Variants in BORCS5 observed in about 807,000 individuals in gnomAD.
BORCS5 encodes the protein BLOC-1 related complex subunit 5, also known as BLOC-1-related complex subunit 5.
Under a neutral mutation model 22.1 loss-of-function variants are expected in BORCS5, and 17 were observed. The ratio of observed to expected loss-of-function variants is 0.77; its 90% confidence interval spans 0.53 to 1.15. The LOEUF (loss-of-function observed/expected upper bound fraction) is 1.15. Ranked by LOEUF, BORCS5 falls within the 50% of genes most tolerant of loss-of-function variation. The probability of loss-of-function intolerance (pLI) is 0.00; values close to 1 mark genes in which losing one functional copy is unlikely to be tolerated. For missense variants in BORCS5, 247 were observed against 253.2 expected, an observed-to-expected ratio of 0.98 and a Z score of 0.17; for synonymous variants, 117 against 99.8, an observed-to-expected ratio of 1.17 and a Z score of -1.03.
Position 12,361,306 on chromosome 12 carries a change from C to G in BORCS5, c.159C>G (p.Val53=). Residue 53 remains valine (V), a synonymous_variant, in exon 2 of 4, where the codon GTC becomes GTG. Transcript: ENST00000314565. The stretch of plus-strand genomic sequence containing the variant: ...GGAACGTCAGCAACGATCCCGATGT[C>G]ATCAAGTTGCAAGAGATTCCAACCT... ...ASRNVSNDPD[V]IKLQEIPTFQ... is the part of the protein sequence containing the mutation. 6.2e-7 allele frequency: 1 copy of G among 1,614,178 alleles called. No individual in the cohort carries two copies. The highest frequency in any genetic ancestry group is 1.1e-5 in the South Asian group (1 of 91,080).
intron 2 of BORCS5, among the ~76,000 whole-genome samples, chr12:12,414,558 G>T (rs1423082724): frequency 1.2e-5 from 1 of 84,814 alleles, no homozygotes; most frequent in Non-Finnish European, 2.4e-5. Flanking sequence ...CCGGGCGGGG[G>T]GCTGACCCCC....
At chr12:12,446,909 G>A (rs758818785) in intron 3 of BORCS5, among the ~76,000 whole-genome samples, 1 of 152,154 alleles carries the variant, frequency 6.6e-6, no homozygotes, top group Admixed American at 6.5e-5. Flanking sequence ...ATTATTTTGG[G>A]GGTGTAAGAG....
intron 2 of BORCS5, among the ~76,000 whole-genome samples, chr12:12,431,733 C>CTTTCTTTCTT (rs148091169): frequency 6.6e-6 from 1 of 151,094 alleles, no homozygotes; most frequent in African/African-American, 2.4e-5. Flanking sequence ...AATTTCTTTT[C>CTTTCTTTCTT]TTGTTTTTTT....
chr12:12,422,606 A>T (rs1942162459), intron 2 of BORCS5, among the ~76,000 whole-genome samples: 1 of 148,042 alleles, frequency 6.8e-6, no homozygotes, highest in South Asian at 2.1e-4. Flanking sequence ...ATCTCAAAAG[A>T]AAAAAAAAAA....
At chr12:12,455,126 A>G (rs746442114) in intron 3 of BORCS5, among the ~76,000 whole-genome samples, 1 of 152,222 alleles carries the variant, frequency 6.6e-6, no homozygotes, top group Non-Finnish European at 1.5e-5. Flanking sequence ...CTCTTTAGCT[A>G]CAAAGTACTT....
intron 2 of BORCS5, among the ~76,000 whole-genome samples, chr12:12,362,009 G>C (rs1406883839): frequency 3.3e-5 from 5 of 152,182 alleles, no homozygotes; most frequent in African/African-American, 1.2e-4. Context: ...TCTGCTGTAA[G>C]AGTCCTTCAG....
intron 2 of BORCS5, among the ~76,000 whole-genome samples, chr12:12,421,881 T>C (rs1051931715): frequency 6.6e-6 from 1 of 152,248 alleles, no homozygotes; most frequent in African/African-American, 2.4e-5. Flanking sequence ...TGTATTTCTG[T>C]GGGATCGGTG....
chr12:12,371,715 T>TC (rs1309537522), intron 2 of BORCS5, among the ~76,000 whole-genome samples: 3 of 152,176 alleles, frequency 2.0e-5, no homozygotes, highest in Non-Finnish European at 4.4e-5. Context: ...ATTTTTCTGC[T>TC]CCCCCCACCT....
At chr12:12,442,178 C>T (rs1032557027) in intron 3 of BORCS5, among the ~76,000 whole-genome samples, 20 of 151,072 alleles carry the variant, frequency 1.3e-4, no homozygotes, top group African/African-American at 4.7e-4. Flanking sequence ...CTTGTCACTT[C>T]CCTGGGTCTT....
In BORCS5 at chr12:12,467,362, A is replaced by AGTGG. The variant is rs913185022; in HGVS notation, c.*1591_*1594dup. 9 of 152,218 alleles carry AGTGG rather than the reference A, an allele frequency of 5.9e-5. No homozygotes were observed. Among genetic ancestry groups the AGTGG allele is most frequent in the African/African-American group, 2.2e-4 (9 of 41,442 alleles). 9.4% of individuals were successfully genotyped at this position (152,218 alleles called of 1,614,324 possible). On this transcript the variant is annotated 3_prime_UTR_variant, in exon 4 of 4. Transcript: ENST00000314565. ...ATACAGGTGACACATGAAAGCACAG[A>AGTGG]GTGGGTGGCAGTTCAAGCCTGCGAG...
rs1565818503 is a variant in BORCS5 at position 12,357,530 on chromosome 12, C to T, written c.58+21C>T. The stretch of plus-strand genomic sequence containing the variant: ...CTCAGGTCGGTGTCCTAACCTCCCA[C>T]CCTCCTCCAGCCCGCCCTGTCCCCT... On this transcript the variant is annotated intron_variant, in intron 1 of 3. Coordinates refer to ENST00000314565, the MANE Select transcript of BORCS5 (RefSeq NM_058169.6). 3.1e-6 allele frequency: 5 copies of T among 1,600,158 alleles called. No individual in the cohort carries two copies. The South Asian group carries it at 3.3e-5, about 11-fold the overall frequency.
At chr12:12,363,488 C>A (rs1359988940) in intron 2 of BORCS5, among the ~76,000 whole-genome samples, 1 of 152,074 alleles carries the variant, frequency 6.6e-6, no homozygotes, top group Non-Finnish European at 1.5e-5. Context: ...TGTAAAACAG[C>A]ACTTTGGGAG....
chr12:12,365,723 A>G (rs7309040), intron 2 of BORCS5, among the ~76,000 whole-genome samples: 49,804 of 151,996 alleles, frequency 0.33, 8,578 homozygotes, highest in Middle Eastern at 0.37. Flanking sequence ...TAATTATGAT[A>G]ATAGTATCTT....
At chr12:12,433,843 G>A (rs1238403194) in intron 2 of BORCS5, among the ~76,000 whole-genome samples, 1 of 152,200 alleles carries the variant, frequency 6.6e-6, no homozygotes, top group Admixed American at 6.5e-5. Context: ...GCATCGACCA[G>A]CATTTCCCAG....
chr12:12,371,574 A>G (rs891045851), intron 2 of BORCS5, among the ~76,000 whole-genome samples: 4 of 152,160 alleles, frequency 2.6e-5, no homozygotes, highest in Non-Finnish European at 5.9e-5. Context: ...GATTGCAGGC[A>G]TGAGCCACCA....
chr12:12,394,832 C>T (rs1941292416), intron 2 of BORCS5, among the ~76,000 whole-genome samples: 1 of 152,094 alleles, frequency 6.6e-6, no homozygotes, highest in Non-Finnish European at 1.5e-5. Context: ...GGTTGTACTT[C>T]ATACAGGACC....
At chr12:12,359,669 C>CT (rs1407328791) in intron 1 of BORCS5, among the ~76,000 whole-genome samples, 1 of 104,310 alleles carries the variant, frequency 9.6e-6, no homozygotes, top group South Asian at 4.0e-4. Flanking sequence ...GCCGCCTTGA[C>CT]TTAAAAAAAA....
chr12:12,418,459 G>A (rs1340105571), intron 2 of BORCS5, among the ~76,000 whole-genome samples: 1 of 152,132 alleles, frequency 6.6e-6, no homozygotes, highest in East Asian at 1.9e-4. Context: ...GCTGAGACAG[G>A]AGGATCACTT....
In BORCS5 at chr12:12,433,212, G is replaced by A. The variant is rs1942471592; in HGVS notation, c.203-2416G>A. 3.4e-5 allele frequency among the ~76,000 whole-genome samples: 5 copies of A among 147,774 alleles called. No individual in the cohort carries two copies. The Admixed American group carries it at 3.5e-4, about 10-fold the overall frequency. ...TAGGCAGGAATGGTGGCACATGCCTGTAATCCCAGCTACTCAGGGGCCTTG... is the reference window on the plus strand; with the variant it reads ...TAGGCAGGAATGGTGGCACATGCCTATAATCCCAGCTACTCAGGGGCCTTG... On this transcript the variant is annotated intron_variant, in intron 2 of 3. Coordinates refer to ENST00000314565, the MANE Select transcript of BORCS5 (RefSeq NM_058169.6).
Sources: allele counts gnomAD v4.1 joint callset (sites outside exome capture counted in the v4.1 genomes callset), GRCh38; gene constraint gnomAD v4.1.1; transcripts MANE v1.5; gene names NCBI Gene and HGNC (gene_info 2026-07-23, HGNC 2026-07-21).